The following CMYA5 variants were observed in gnomAD, a reference collection of about 807,000 sequenced individuals.
CMYA5 encodes the protein cardiomyopathy associated 5, also known as cardiomyopathy-associated protein 5.
Under a neutral mutation model 318.9 loss-of-function variants are expected in CMYA5, and 246 were observed. The observed-to-expected ratio is 0.77, with a 90% CI of 0.70 to 0.86. CMYA5 has a LOEUF of 0.86. Ranked by LOEUF, CMYA5 falls within the 40% of genes least tolerant of loss-of-function variation. CMYA5 has a pLI of 0.00. For synonymous variants in CMYA5, 1,641 were observed against 1,729.5 expected (o/e 0.95, Z 1.27); for missense variants, 4,589 against 4,678.2 (o/e 0.98, Z 0.56).
intron 9 of CMYA5, among the ~76,000 whole-genome samples, chr5:79,772,268 G>A (rs57905244): frequency 0.012 from 1,783 of 152,278 alleles, 33 homozygotes; most frequent in African/African-American, 0.041. Context: ...TTAGGGGCCG[G>A]CTAAGCAAAA....
At chr5:79,725,452 G>A (rs1356606329) in intron 1 of CMYA5, among the ~76,000 whole-genome samples, 1 of 152,118 alleles carries the variant, frequency 6.6e-6, no homozygotes, top group Non-Finnish European at 1.5e-5. Context: ...AATAGACACT[G>A]GGGACTACAA....
chr5:79,777,192 G>A (rs549280926), intron 9 of CMYA5, among the ~76,000 whole-genome samples: 10 of 152,262 alleles, frequency 6.6e-5, no homozygotes, highest in African/African-American at 2.2e-4. Flanking sequence ...AATTTGGATA[G>A]AGAATATGTA....
chr5:79,786,865 C>T (rs926462730), intron 9 of CMYA5, among the ~76,000 whole-genome samples: 5 of 152,186 alleles, frequency 3.3e-5, no homozygotes, highest in Admixed American at 1.3e-4. Flanking sequence ...TTTCGTATTA[C>T]TTTTGTTTGC....
rs532798468 is a variant in CMYA5 at position 79,734,381 on chromosome 5, C to A, written c.5616C>A (p.Thr1872=). 3 of 1,613,818 alleles carry A rather than the reference C, an allele frequency of 1.9e-6. No individual in the cohort carries two copies. The South Asian group carries it at 3.3e-5, about 18-fold the overall frequency. Residue 1872 remains threonine (T), a synonymous_variant, in exon 2 of 13, where the codon ACC becomes ACA. Transcript: ENST00000446378. ...PLEQSKSFMT[T]KPADVKETKM... ...AACAATCAAAATCATTTATGACAAC[C>A]AAGCCTGCGGATGTCAAAGAAACAA...
At position 79,738,396 on chromosome 5, in the gene CMYA5, G is replaced by A; in HGVS notation, c.9631G>A (p.Ala3211Thr). 1 of 1,613,754 alleles carries A rather than the reference G, an allele frequency of 6.2e-7. No homozygotes were observed. The highest frequency in any genetic ancestry group is 8.5e-7 in the Non-Finnish European group (1 of 1,179,838). ...AGAGAAAAAGAAGGAAGAGGAGACAGCTTCTGAAGGTGACAGTGTGAATTC... is the reference window on the plus strand; with the variant it reads ...AGAGAAAAAGAAGGAAGAGGAGACAACTTCTGAAGGTGACAGTGTGAATTC... ...VGEKKKEEETASEGDSVNSEA... is the reference protein window; with the variant it reads ...VGEKKKEEETTSEGDSVNSEA... The change falls in exon 2 of 13, where the codon GCT (alanine) becomes ACT (threonine). Residue 3211 changes from alanine to threonine, a missense_variant. Ala to Thr is a moderately conservative substitution (Grantham distance 58). Coordinates refer to ENST00000446378, the MANE Select transcript of CMYA5 (RefSeq NM_153610.5).
intron 1 of CMYA5, among the ~76,000 whole-genome samples, chr5:79,723,156 A>G (rs2151082065): frequency 6.6e-6 from 1 of 152,262 alleles, no homozygotes; most frequent in East Asian, 1.9e-4. Context: ...AGGAAATTAC[A>G]TAGGCCGGGT....
chr5:79,764,483 CTT>C (rs1275885774), intron 9 of CMYA5, among the ~76,000 whole-genome samples: 1 of 152,126 alleles, frequency 6.6e-6, no homozygotes, highest in Non-Finnish European at 1.5e-5. Context: ...AGTAGAATGA[CTT>C]ATAATCCTTT....
chr5:79,757,422 A>G (rs1388012989), intron 6 of CMYA5, among the ~76,000 whole-genome samples: 4 of 152,120 alleles, frequency 2.6e-5, no homozygotes, highest in African/African-American at 9.7e-5. Flanking sequence ...ATTCAGAACA[A>G]CGGAGTTATA....
At chr5:79,748,064 G>T (rs1278219734) in intron 5 of CMYA5, among the ~76,000 whole-genome samples, 2 of 152,084 alleles carry the variant, frequency 1.3e-5, no homozygotes, top group African/African-American at 4.8e-5. Flanking sequence ...AATATTACCA[G>T]TTAGTTTTTG....
At chr5:79,695,090 A>G (rs998202289) in intron 1 of CMYA5, among the ~76,000 whole-genome samples, 1 of 151,968 alleles carries the variant, frequency 6.6e-6, no homozygotes, top group African/African-American at 2.4e-5. Context: ...AATTTTACAC[A>G]CAAAAAAGTC....
At position 79,799,628 on chromosome 5, in the gene CMYA5, C is replaced by T; in HGVS notation, c.*12C>T. The T allele has an allele frequency of 6.3e-7, 1 of 1,598,826 alleles. No homozygotes were observed. The highest frequency in any genetic ancestry group is 8.6e-7 in the Non-Finnish European group (1 of 1,169,368). On this transcript the variant is annotated 3_prime_UTR_variant, in exon 13 of 13. Transcript: ENST00000446378. The stretch of plus-strand genomic sequence containing the variant: ...TAAGGCACAAGTGATCCTTGGCTTT[C>T]AGAATTTGCAAGAACAGCGATTTGA...
In CMYA5 at chr5:79,738,566, T is replaced by C. The variant is rs963561148; in HGVS notation, c.9801T>C (p.Val3267=). ...DQGQGLEEKR[V]GKDDSYQPIA... is the part of the protein sequence containing the mutation. The stretch of plus-strand genomic sequence containing the variant: ...GCCAAGGTCTGGAAGAAAAACGAGT[T>C]GGTAAGGATGATTCATACCAACCGA... Residue 3267 remains valine, a synonymous_variant, in exon 2 of 13, where the codon GTT becomes GTC. Transcript: ENST00000446378. 2.5e-6 allele frequency: 4 copies of C among 1,613,416 alleles called. No individual in the cohort carries two copies. Among genetic ancestry groups the C allele is most frequent in the Non-Finnish European group, 3.4e-6 (4 of 1,179,874 alleles).
chr5:79,786,826 C>A (rs527620357), intron 9 of CMYA5, among the ~76,000 whole-genome samples: 1 of 152,246 alleles, frequency 6.6e-6, no homozygotes, highest in Admixed American at 6.5e-5. Context: ...CATAAGGTGG[C>A]AACTTGTATA....
intron 1 of CMYA5, among the ~76,000 whole-genome samples, chr5:79,722,159 A>G (rs1368771137): frequency 5.3e-5 from 8 of 152,244 alleles, no homozygotes; most frequent in Non-Finnish European, 7.3e-5. Context: ...CAAAAAGATA[A>G]CTAGGAAATC....
intron 9 of CMYA5, among the ~76,000 whole-genome samples, chr5:79,784,907 C>T (rs1022794100): frequency 1.7e-4 from 26 of 152,084 alleles, no homozygotes; most frequent in African/African-American, 4.3e-4. Flanking sequence ...AGCTGTAGAC[C>T]GGAGCTGTTC....
At chr5:79,759,951 A>C (rs1349462052) in intron 7 of CMYA5, among the ~76,000 whole-genome samples, 1 of 152,226 alleles carries the variant, frequency 6.6e-6, no homozygotes, top group Non-Finnish European at 1.5e-5. Context: ...AAGTGTTACT[A>C]TCCCTATTTG....
chr5:79,733,891 A>G lies in CMYA5; in HGVS notation c.5126A>G (p.Gln1709Arg), dbSNP rs367557096. 10 of 1,613,174 alleles carry G rather than the reference A, an allele frequency of 6.2e-6. No individual in the cohort carries two copies. Among genetic ancestry groups the G allele is most frequent in the Non-Finnish European group, 8.5e-6 (10 of 1,179,770 alleles). The change falls in exon 2 of 13, where the codon CAG becomes CGG. Residue 1709 changes from glutamine to arginine, a missense_variant. Coordinates refer to ENST00000446378, the MANE Select transcript of CMYA5 (RefSeq NM_153610.5). Reference sequence around the variant, plus strand: ...TCATCATTGCTTAGGGAGGAATCTCAGAATGAAGAAATTAAACCTTTCTCT... The same window carrying G: ...TCATCATTGCTTAGGGAGGAATCTCGGAATGAAGAAATTAAACCTTTCTCT... Reference protein sequence around the residue: ...ELSSLLREESQNEEIKPFSPK... With the variant: ...ELSSLLREESRNEEIKPFSPK...
chr5:79,722,380 A>G (rs1168203032), intron 1 of CMYA5, among the ~76,000 whole-genome samples: 1 of 152,192 alleles, frequency 6.6e-6, no homozygotes, highest in Non-Finnish European at 1.5e-5. Flanking sequence ...AATTAATGAC[A>G]TAAGAATCTA....
At chr5:79,791,854 G>A (rs1032517964) in intron 11 of CMYA5, among the ~76,000 whole-genome samples, 5 of 152,228 alleles carry the variant, frequency 3.3e-5, no homozygotes, top group African/African-American at 1.2e-4. Flanking sequence ...GGAGGATAGG[G>A]TGGAGGAAAC....
Sources: allele counts gnomAD v4.1 joint callset (sites outside exome capture counted in the v4.1 genomes callset), GRCh38; gene constraint gnomAD v4.1.1; transcripts MANE v1.5; gene names NCBI Gene and HGNC (gene_info 2026-07-23, HGNC 2026-07-21).